DSCAML1: variants seen among roughly 807,000 people sequenced by gnomAD.
The protein encoded by DSCAML1 is DS cell adhesion molecule like 1, also known as cell adhesion molecule DSCAML1.
Under a neutral mutation model 200.5 loss-of-function variants are expected in DSCAML1, and 38 were observed. The observed-to-expected ratio is 0.19, with a 90% CI of 0.15 to 0.25. DSCAML1 has a LOEUF of 0.25. DSCAML1 is among the 10% of genes least tolerant of loss of function. The pLI, the probability that DSCAML1 is intolerant of heterozygous loss-of-function variation, is 1.00. For synonymous variants in DSCAML1, 1,215 were observed against 1,165.0 expected, an observed-to-expected ratio of 1.04 and a Z score of -0.87; for missense variants, 2,223 against 2,858.8, an observed-to-expected ratio of 0.78 and a Z score of 5.07.
At chr11:117,486,911 C>CTTTTTTTTTTTTTTT (rs56805170) in intron 11 of DSCAML1, among the ~76,000 whole-genome samples, 6 of 79,666 alleles carry the variant, frequency 7.5e-5, no homozygotes, top group African/African-American at 1.6e-4. Context: ...TGTAAAATAC[C>CTTTTTTTTTTTTTTT]TTTTTTTTTT....
rs7927139 is a variant in DSCAML1 at position 117,433,711 on chromosome 11, T to C, written c.4877-240A>G. ...TTTCCTTTCTTCAAATTTTATCTAA[T>C]TGAGAGAACCTTCCCAAAGCACTGG... is the stretch of plus-strand genomic sequence containing the variant. On this transcript the variant is annotated intron_variant, in intron 27 of 32. Coordinates refer to ENST00000651296, the MANE Select transcript of DSCAML1 (RefSeq NM_020693.4). Among the ~76,000 whole-genome samples, 756 of 152,362 alleles carry C rather than the reference T, an allele frequency of 5.0e-3. 1 individual carries two copies. The highest frequency in any genetic ancestry group is 8.2e-3 in the Non-Finnish European group (555 of 68,038).
At chr11:117,450,473 C>T (rs1376421160) in intron 20 of DSCAML1, 76 bp downstream of exon 20, 5 of 1,553,020 alleles carry the variant, frequency 3.2e-6, no homozygotes, top group Non-Finnish European at 4.3e-6. Context: ...AGGGTTTGGC[C>T]TGGAAGCCGG....
chr11:117,726,363 G>C (rs1345469091), intron 3 of DSCAML1, among the ~76,000 whole-genome samples: 1 of 151,974 alleles, frequency 6.6e-6, no homozygotes, highest in Non-Finnish European at 1.5e-5. Flanking sequence ...GGAAGGGAGA[G>C]GAGGGACATC....
chr11:117,471,221 G>T (rs2048679129), intron 15 of DSCAML1, among the ~76,000 whole-genome samples: 1 of 151,890 alleles, frequency 6.6e-6, no homozygotes, highest in Non-Finnish European at 1.5e-5. Context: ...GCCCAGGCTG[G>T]AGTGCAGTGG....
At chr11:117,771,373 C>A (rs1468467172) in intron 3 of DSCAML1, among the ~76,000 whole-genome samples, 1 of 152,178 alleles carries the variant, frequency 6.6e-6, no homozygotes, top group Non-Finnish European at 1.5e-5. Flanking sequence ...CCCATGGGGC[C>A]AAAAACAGAG....
chr11:117,574,075 G>C (rs1045392354), intron 3 of DSCAML1, among the ~76,000 whole-genome samples: 2 of 152,188 alleles, frequency 1.3e-5, no homozygotes, highest in Admixed American at 6.5e-5. Flanking sequence ...GGGAGGGAAG[G>C]GGGGCCAGTG....
Position 117,525,015 on chromosome 11 carries a change from C to T in DSCAML1, c.727G>A (p.Val243Met), listed in dbSNP as rs763667310. ...CCCGAGGCGGTGCAGGGCAGCTCCA[C>T]GGTGTGGCCGGCCCACACTTCCTGG... ...HSQEVWAGHT[V>M]ELPCTASGYP... Residue 243 changes from valine (V) to methionine (M), a missense_variant, in exon 5 of 33, where the codon GTG becomes ATG. By Grantham distance (21) the Val-to-Met change is conservative. This residue lies in a region of DSCAML1 where 579 missense variants were observed against 721.5 expected (regional missense o/e 0.80). Coordinates refer to ENST00000651296, the MANE Select transcript of DSCAML1 (RefSeq NM_020693.4). 5 of 1,604,364 alleles carry T rather than the reference C, an allele frequency of 3.1e-6. No individual in the cohort carries two copies. The highest frequency in any genetic ancestry group is 1.1e-5 in the South Asian group (1 of 89,380).
chr11:117,526,628 C>G (rs1248111197), intron 4 of DSCAML1, among the ~76,000 whole-genome samples: 1 of 152,094 alleles, frequency 6.6e-6, no homozygotes, highest in Non-Finnish European at 1.5e-5. Flanking sequence ...AAGCAATTCT[C>G]TGTCTCAGCC....
chr11:117,516,747 G>C lies in DSCAML1; in HGVS notation c.1511-8C>G. ...CCCGGATGCTGGGTGGGCCTGGGCA[G>C]GAGTCAGAAGAGAGGAGGAGGAGGA... On this transcript the variant is annotated splice_polypyrimidine_tract_variant and splice_region_variant and intron_variant, in intron 7 of 32. Transcript: ENST00000651296. The surrounding 1 kb of genome is among the most constrained non-coding windows in gnomAD (Gnocchi z 5.7). 6.2e-7 allele frequency: 1 copy of C among 1,608,146 alleles called. No individual in the cohort carries two copies. The highest frequency in any genetic ancestry group is 1.7e-5 in the Admixed American group (1 of 59,862).
intron 19 of DSCAML1, among the ~76,000 whole-genome samples, chr11:117,451,628 A>G (rs940002543): frequency 6.6e-6 from 1 of 152,188 alleles, no homozygotes; most frequent in Non-Finnish European, 1.5e-5. Context: ...GTTTGAGACC[A>G]GCCTGGTGAA....
intron 1 of DSCAML1, among the ~76,000 whole-genome samples, chr11:117,782,699 C>A (rs2055285919): frequency 6.6e-6 from 1 of 152,216 alleles, no homozygotes; most frequent in Non-Finnish European, 1.5e-5. Flanking sequence ...ACTCTTCTCA[C>A]TTTCTGAAAG....
intron 3 of DSCAML1, among the ~76,000 whole-genome samples, chr11:117,604,231 G>T (rs966178680): frequency 6.6e-6 from 1 of 152,140 alleles, no homozygotes; most frequent in Non-Finnish European, 1.5e-5. Flanking sequence ...TTGAGCATTT[G>T]GTGGCATTCA....
At chr11:117,663,477 G>A (rs1345441360) in intron 3 of DSCAML1, among the ~76,000 whole-genome samples, 1 of 152,090 alleles carries the variant, frequency 6.6e-6, no homozygotes. Context: ...GAAAGTGGAA[G>A]GGCTAGAATC....
In DSCAML1 at chr11:117,630,208, G is replaced by A. The variant is rs188319170; in HGVS notation, c.512-97686C>T. 9.9e-5 allele frequency among the ~76,000 whole-genome samples: 15 copies of A among 152,016 alleles called. No homozygotes were observed. The East Asian group carries it at 2.3e-3, about 24-fold the overall frequency. The stretch of plus-strand genomic sequence containing the variant: ...TTCCAGTGCCCCTTCTTCTTCTTTC[G>A]TACAGTTCCCTCACCTGCTGGAGGG... On this transcript the variant is annotated intron_variant, in intron 3 of 32. Coordinates refer to ENST00000651296, the MANE Select transcript of DSCAML1 (RefSeq NM_020693.4).
intron 17 of DSCAML1, among the ~76,000 whole-genome samples, chr11:117,462,664 T>C (rs1003772111): frequency 6.6e-6 from 1 of 152,222 alleles, no homozygotes; most frequent in African/African-American, 2.4e-5. Context: ...ATAAGCACCA[T>C]GTAATTAGGG....
intron 1 of DSCAML1, among the ~76,000 whole-genome samples, chr11:117,813,690 A>T (rs895239652): frequency 6.6e-6 from 1 of 151,902 alleles, no homozygotes; most frequent in African/African-American, 2.4e-5. Context: ...TCTTCTAACA[A>T]CCCCACAATA....
intron 3 of DSCAML1, among the ~76,000 whole-genome samples, chr11:117,746,208 C>T (rs139318589): frequency 0.029 from 2,993 of 102,584 alleles, 127 homozygotes; most frequent in African/African-American, 0.1. Flanking sequence ...GGCATCAGAG[C>T]GAGACTCTGT....
chr11:117,617,680 G>GCACACACACACACACACACACA (rs36207373), intron 3 of DSCAML1, among the ~76,000 whole-genome samples: 1 of 142,910 alleles, frequency 7.0e-6, no homozygotes, highest in African/African-American at 2.6e-5. Flanking sequence ...ACAGGTACAC[G>GCACACACACACACACACACACA]CACACACACA....
chr11:117,576,862 C>T (rs2050941522), intron 3 of DSCAML1, among the ~76,000 whole-genome samples: 1 of 152,294 alleles, frequency 6.6e-6, no homozygotes, highest in Non-Finnish European at 1.5e-5. Flanking sequence ...AATTGAGAAC[C>T]AGGCAGGAGT....
Sources: gnomAD v4.1 joint callset for allele counts (sites outside exome capture counted in the v4.1 genomes callset) on GRCh38, gnomAD v4.1.1 for gene constraint, gnomAD v4.1.1 regional missense constraint, Gnocchi (gnomAD v3.1) non-coding constraint, MANE v1.5 for transcripts, NCBI Gene and HGNC (gene_info 2026-07-23, HGNC 2026-07-21) for gene names.